The following MYOZ1 variants were observed in gnomAD, a reference collection of about 807,000 sequenced individuals.
MYOZ1 encodes the protein myozenin 1, also known as myozenin-1.
Under a neutral mutation model 28.7 loss-of-function variants are expected in MYOZ1, and 20 were observed. The observed-to-expected ratio is 0.70, with a 90% confidence interval of 0.49 to 1.01. The LOEUF (loss-of-function observed/expected upper bound fraction) is 1.01, where lower values mean the gene tolerates loss of function less well. Ranked by LOEUF, MYOZ1 falls within the 50% of genes least tolerant of loss-of-function variation. The pLI, the probability that MYOZ1 is intolerant of heterozygous loss-of-function variation, is 0.00. For missense variants in MYOZ1, 371 were observed against 372.4 expected (o/e 1.00, Z 0.03); for synonymous variants, 144 against 145.8 (o/e 0.99, Z 0.09).
chr10:73,634,652 C>T lies in MYOZ1; in HGVS notation c.334G>A (p.Gly112Ser), dbSNP rs764127123. The T allele has an allele frequency of 9.9e-6, 16 of 1,614,228 alleles. No individual in the cohort carries two copies. The highest frequency in any genetic ancestry group is 1.6e-4 in the Middle Eastern group (1 of 6,062). ...GQGFSYSKSN[G>S]RGGSQAGGSG... ...CCCCCTGCCTGGCTGCCGCCTCTGC[C>T]GTTGCTCTTGCTGTATGAGAATCCC... is the stretch of plus-strand genomic sequence containing the variant. The change falls in exon 4 of 6, where the codon GGC becomes AGC. Residue 112 changes from glycine (G) to serine (S), a missense_variant. Gly to Ser is a moderately conservative substitution (Grantham distance 56). Transcript: ENST00000359322.
intron 3 of MYOZ1, 99 bp downstream of exon 3, chr10:73,637,645 G>T (rs1246910849): frequency 1.0e-5 from 12 of 1,170,052 alleles, no homozygotes; most frequent in South Asian, 7.8e-5. Context: ...TAAATTTTCA[G>T]GGAGGGGATG....
chr10:73,640,133 T>C, intron 1 of MYOZ1, 98 bp from the exon 2 acceptor site: 2 of 1,014,166 alleles, frequency 2.0e-6, no homozygotes, highest in Non-Finnish European at 2.9e-6. Context: ...GTTTAAGGGC[T>C]TGAGGGGACA....
At chr10:73,638,753 A>G (rs1292690408) in intron 2 of MYOZ1, among the ~76,000 whole-genome samples, 1 of 151,358 alleles carries the variant, frequency 6.6e-6, no homozygotes, top group Non-Finnish European at 1.5e-5. Flanking sequence ...TGCAACCTCC[A>G]TCTCCTGGGT....
rs1178508051 is a variant in MYOZ1 at position 73,633,971 on chromosome 10, T to G, written c.597A>C (p.Lys199Asn). The G allele has an allele frequency of 1.2e-6, 2 of 1,613,868 alleles. No individual in the cohort carries two copies. Among genetic ancestry groups the G allele is most frequent in the African/African-American group, 1.3e-5 (1 of 74,912 alleles). ...CCAGCAGGTCAATGCCAAGTTCCAT[T>G]TTTTGCTGGGGGTCAACCCCCATGG... ...ERAMGVDPQQ[K>N]MELGIDLLAY... is the part of the protein sequence containing the mutation. Residue 199 changes from lysine (K) to asparagine (N), a missense_variant, in exon 5 of 6, where the codon AAA becomes AAC. By Grantham distance (94) the Lys-to-Asn change is moderately conservative. Coordinates refer to ENST00000359322, the MANE Select transcript of MYOZ1 (RefSeq NM_021245.4).
Position 73,637,769 on chromosome 10 carries a change from G to T in MYOZ1, c.227C>A (p.Pro76His). ...CATTGAGCTGTCAGAGAAAACATCA[G>T]GGTGGTTCTCATAAATAAACTTCTC... ...RVEKFIYENH[P>H]DVFSDSSMDH... The change falls in exon 3 of 6, where the codon CCT becomes CAT. Residue 76 changes from proline to histidine, a missense_variant. Transcript: ENST00000359322. 6.2e-7 allele frequency: 1 copy of T among 1,613,990 alleles called. No homozygotes were observed. The highest frequency in any genetic ancestry group is 1.1e-5 in the South Asian group (1 of 91,044).
At chr10:73,638,709 C>T (rs1220621242) in intron 2 of MYOZ1, among the ~76,000 whole-genome samples, 1 of 147,378 alleles carries the variant, frequency 6.8e-6, no homozygotes, top group African/African-American at 2.6e-5. Context: ...CTCTGTCTCC[C>T]AGGCTGAAGT....
chr10:73,635,297 G>A (rs762377953), intron 3 of MYOZ1, among the ~76,000 whole-genome samples: 2 of 151,690 alleles, frequency 1.3e-5, no homozygotes, highest in East Asian at 1.9e-4. Flanking sequence ...TAAGGGCAGC[G>A]TGTTCTCCAC....
At position 73,632,088 on chromosome 10, in the gene MYOZ1, C is replaced by T; in HGVS notation, c.742G>A (p.Gly248Arg). The T allele has an allele frequency of 6.2e-7, 1 of 1,614,098 alleles. No individual in the cohort carries two copies. The highest frequency in any genetic ancestry group is 8.5e-7 in the Non-Finnish European group (1 of 1,180,016). The change falls in exon 6 of 6, where the codon GGG (glycine) becomes AGG (arginine). Residue 248 changes from glycine (G) to arginine (R), a missense_variant. Gly to Arg is a moderately radical substitution (Grantham distance 125). Transcript: ENST00000359322. ...MTFQMPKFDLGPLLSEPLVLY... is the reference protein window; with the variant it reads ...MTFQMPKFDLRPLLSEPLVLY... The stretch of plus-strand genomic sequence containing the variant: ...ACCAGGGGTTCACTCAGCAAGGGCC[C>T]CAGGTCAAACTTGGGCATCTGGAAG...
chr10:73,637,762 A>G lies in MYOZ1; in HGVS notation c.234T>C (p.Val78=), dbSNP rs369313428. 416 of 1,613,234 alleles carry G rather than the reference A, an allele frequency of 2.6e-4. No individual in the cohort carries two copies. Among genetic ancestry groups the G allele is most frequent in the Admixed American group, 4.7e-4 (28 of 59,782 alleles). Residue 78 remains valine, a synonymous_variant, in exon 3 of 6, where the codon GTT becomes GTC. Coordinates refer to ENST00000359322, the MANE Select transcript of MYOZ1 (RefSeq NM_021245.4). ...GACTCACCATTGAGCTGTCAGAGAAAACATCAGGGTGGTTCTCATAAATAA... is the reference window on the plus strand; with the variant it reads ...GACTCACCATTGAGCTGTCAGAGAAGACATCAGGGTGGTTCTCATAAATAA... The part of the protein sequence containing the change: ...EKFIYENHPD[V]FSDSSMDHFQ...
In MYOZ1 at chr10:73,637,771, G is replaced by A. The variant is rs759259637; in HGVS notation, c.225C>T (p.His75=). The A allele has an allele frequency of 1.9e-6, 3 of 1,614,012 alleles. No homozygotes were observed. Among genetic ancestry groups the A allele is most frequent in the Admixed American group, 3.3e-5 (2 of 59,978 alleles). Residue 75 remains histidine, a synonymous_variant, in exon 3 of 6, where the codon CAC becomes CAT. Transcript: ENST00000359322. ...TTGAGCTGTCAGAGAAAACATCAGG[G>A]TGGTTCTCATAAATAAACTTCTCCA... is the stretch of plus-strand genomic sequence containing the variant. ...MRVEKFIYEN[H]PDVFSDSSMD...
intron 5 of MYOZ1, among the ~76,000 whole-genome samples, chr10:73,633,523 G>A (rs2081648231): frequency 6.6e-6 from 1 of 152,054 alleles, no homozygotes; most frequent in Non-Finnish European, 1.5e-5. Context: ...GAGCCCAGGA[G>A]TTCGAGACCT....
At chr10:73,636,300 C>T (rs564296211) in intron 3 of MYOZ1, among the ~76,000 whole-genome samples, 1 of 152,272 alleles carries the variant, frequency 6.6e-6, no homozygotes, top group Admixed American at 6.5e-5. Flanking sequence ...GTCTCCACAC[C>T]TGGGGCTTCT....
At chr10:73,638,791 C>T (rs1231255316) in intron 2 of MYOZ1, among the ~76,000 whole-genome samples, 1 of 151,410 alleles carries the variant, frequency 6.6e-6, no homozygotes, top group Non-Finnish European at 1.5e-5. Context: ...CTCAGTCTCC[C>T]AAGTAGCCGG....
At position 73,634,508 on chromosome 10, in the gene MYOZ1, CTGTGCCAGCAG is replaced by C; in HGVS notation, c.467_477del (p.Ala156GlyfsTer5). The C allele has an allele frequency of 6.2e-7, 1 of 1,614,160 alleles. No homozygotes were observed. Among genetic ancestry groups the C allele is most frequent in the Non-Finnish European group, 8.5e-7 (1 of 1,180,034 alleles). On this transcript the variant is annotated frameshift_variant, in exon 4 of 6. Coordinates refer to ENST00000359322, the MANE Select transcript of MYOZ1 (RefSeq NM_021245.4). LOFTEE classifies it high-confidence loss of function. ...CCTGATCCTGTCTCACCAACCCCTG[CTGTGCCAGCAG>C]CTCCTCCTCTGCCAGCCTGGCCCGC...
At chr10:73,635,958 G>C (rs948626617) in intron 3 of MYOZ1, among the ~76,000 whole-genome samples, 3 of 152,120 alleles carry the variant, frequency 2.0e-5, no homozygotes, top group Non-Finnish European at 4.4e-5. Flanking sequence ...GGCTCTCCTG[G>C]CCATCCCACC....
At chr10:73,635,867 A>G (rs529523051) in intron 3 of MYOZ1, among the ~76,000 whole-genome samples, 1 of 152,236 alleles carries the variant, frequency 6.6e-6, no homozygotes, top group African/African-American at 2.4e-5. Flanking sequence ...ACACTGTAGC[A>G]GGTGGGGGGA....
At position 73,637,830 on chromosome 10, in the gene MYOZ1, C is replaced by T; in HGVS notation, c.166G>A (p.Gly56Ser). ...TGCCGCAGTTTGAACATCTTGGAGC[C>T]CCGGTTGGTAAGCAGCGACAGTTCC... ...LEELSLLTNR[G>S]SKMFKLRQMR... is the part of the protein sequence containing the mutation. Residue 56 changes from glycine to serine, a missense_variant, in exon 3 of 6, where the codon GGC (glycine) becomes AGC (serine). Transcript: ENST00000359322. The T allele has an allele frequency of 1.2e-6, 2 of 1,614,010 alleles. No homozygotes were observed. Among genetic ancestry groups the T allele is most frequent in the Non-Finnish European group, 1.7e-6 (2 of 1,180,014 alleles).
chr10:73,638,156 A>C (rs1002706846), intron 2 of MYOZ1, among the ~76,000 whole-genome samples: 1 of 151,910 alleles, frequency 6.6e-6, no homozygotes, highest in African/African-American at 2.4e-5. Context: ...GGAGAGGCCA[A>C]TGGGGTAAAA....
intron 1 of MYOZ1, among the ~76,000 whole-genome samples, chr10:73,640,277 G>A (rs1020884070): frequency 6.6e-6 from 1 of 152,150 alleles, no homozygotes; most frequent in Admixed American, 6.5e-5. Flanking sequence ...AGCCTCCCAA[G>A]TAGCTGGGAC....
Sources: gnomAD v4.1 joint callset for allele counts (sites outside exome capture counted in the v4.1 genomes callset) on GRCh38, gnomAD v4.1.1 for gene constraint, MANE v1.5 for transcripts, NCBI Gene and HGNC (gene_info 2026-07-23, HGNC 2026-07-21) for gene names.